SLC9A9: variants seen among roughly 807,000 people sequenced by gnomAD.
SLC9A9 encodes solute carrier family 9 member A9.
A neutral mutation model predicts 77.8 loss-of-function variants in SLC9A9; 62 were observed. The observed-to-expected ratio is 0.80, with a 90% CI of 0.65 to 0.98. The LOEUF (loss-of-function observed/expected upper bound fraction) is 0.98. SLC9A9 is among the 50% of genes least tolerant of loss of function. SLC9A9 has a pLI of 0.00. For missense variants in SLC9A9, 775 were observed against 774.9 expected (o/e 1.00, Z 0.00); for synonymous variants, 320 against 283.5 (o/e 1.13, Z -1.29).
intron 6 of SLC9A9, among the ~76,000 whole-genome samples, chr3:143,649,074 C>T (rs2038755498): frequency 6.6e-6 from 1 of 152,172 alleles, no homozygotes; most frequent in Admixed American, 6.5e-5. Flanking sequence ...GTAGTAATTG[C>T]ACAGTTAATT....
intron 9 of SLC9A9, among the ~76,000 whole-genome samples, chr3:143,516,003 G>T (rs2036197186): frequency 6.6e-6 from 1 of 152,078 alleles, no homozygotes; most frequent in Non-Finnish European, 1.5e-5. Context: ...AAAAATTCTG[G>T]GCCTTGTGTT....
chr3:143,326,112 A>C (rs2031595665), intron 14 of SLC9A9, among the ~76,000 whole-genome samples: 1 of 152,186 alleles, frequency 6.6e-6, no homozygotes. Context: ...AAGTATAAAA[A>C]TCTTGGATGT....
At chr3:143,563,406 G>A (rs2037119018) in intron 8 of SLC9A9, among the ~76,000 whole-genome samples, 2 of 152,120 alleles carry the variant, frequency 1.3e-5, no homozygotes, top group South Asian at 4.1e-4. Context: ...ACTTCAATAT[G>A]TGGTTGTAAA....
chr3:143,393,205 T>G (rs1037824433), intron 12 of SLC9A9, among the ~76,000 whole-genome samples: 2 of 152,136 alleles, frequency 1.3e-5, no homozygotes, highest in Non-Finnish European at 2.9e-5. Context: ...AGTAAAGCAC[T>G]CCTCAGCAAA....
intron 6 of SLC9A9, among the ~76,000 whole-genome samples, chr3:143,626,354 T>A (rs948246438): frequency 6.6e-6 from 1 of 152,214 alleles, no homozygotes; most frequent in Non-Finnish European, 1.5e-5. Flanking sequence ...TCACAAAGAC[T>A]TGGAACCAAC....
chr3:143,433,602 G>T (rs2034569243), intron 12 of SLC9A9, among the ~76,000 whole-genome samples: 2 of 152,134 alleles, frequency 1.3e-5, no homozygotes, highest in South Asian at 2.1e-4. Flanking sequence ...ATAAAAGGTG[G>T]GGGTGTTCTG....
intron 14 of SLC9A9, among the ~76,000 whole-genome samples, chr3:143,301,589 G>A (rs767126273): frequency 1.3e-4 from 20 of 152,166 alleles, no homozygotes; most frequent in Non-Finnish European, 2.2e-4. Context: ...TGAGACAGAC[G>A]CATTCTCCAG....
At chr3:143,309,409 C>T (rs1214116449) in intron 14 of SLC9A9, among the ~76,000 whole-genome samples, 1 of 93,716 alleles carries the variant, frequency 1.1e-5, no homozygotes, top group East Asian at 2.7e-4. Flanking sequence ...TAAAAATAAA[C>T]AGAAAAGCAA....
At chr3:143,819,819 C>T (rs72997304) in intron 2 of SLC9A9, among the ~76,000 whole-genome samples, 1,899 of 152,306 alleles carry the variant, frequency 0.012, 38 homozygotes, top group African/African-American at 0.044. Flanking sequence ...CACAGTGTCT[C>T]ATTTATTTCT....
At chr3:143,369,652 A>AT (rs1472002451) in intron 13 of SLC9A9, among the ~76,000 whole-genome samples, 2 of 152,186 alleles carry the variant, frequency 1.3e-5, no homozygotes, top group Non-Finnish European at 2.9e-5. Flanking sequence ...AAATTTTAAA[A>AT]TTAAAAAAAA....
chr3:143,723,572 A>T (rs1934559518), intron 4 of SLC9A9, among the ~76,000 whole-genome samples: 1 of 152,218 alleles, frequency 6.6e-6, no homozygotes, highest in Non-Finnish European at 1.5e-5. Context: ...CCCTATCGAA[A>T]ATGTGTATTT....
At chr3:143,375,391 G>A (rs866428385) in intron 13 of SLC9A9, among the ~76,000 whole-genome samples, 1 of 152,038 alleles carries the variant, frequency 6.6e-6, no homozygotes. Context: ...TTTTTAGGAC[G>A]ACCTCGTAAT....
intron 9 of SLC9A9, among the ~76,000 whole-genome samples, chr3:143,549,922 G>A (rs2036851150): frequency 6.6e-6 from 1 of 152,154 alleles, no homozygotes; most frequent in South Asian, 2.1e-4. Flanking sequence ...AAAATTAAAA[G>A]GATTCTGAAA....
intron 4 of SLC9A9, among the ~76,000 whole-genome samples, chr3:143,705,864 C>T (rs935252615): frequency 6.6e-6 from 1 of 152,152 alleles, no homozygotes; most frequent in Non-Finnish European, 1.5e-5. Flanking sequence ...ATGAAGAATG[C>T]AAAGGTGAAT....
At chr3:143,523,016 G>A (rs992124459) in intron 9 of SLC9A9, among the ~76,000 whole-genome samples, 1 of 152,030 alleles carries the variant, frequency 6.6e-6, no homozygotes, top group African/African-American at 2.4e-5. Context: ...CCAGGTCATT[G>A]CTTATTTTCA....
chr3:143,808,961 G>A (rs2008794682), intron 2 of SLC9A9, among the ~76,000 whole-genome samples: 1 of 152,000 alleles, frequency 6.6e-6, no homozygotes, highest in African/African-American at 2.4e-5. Context: ...ACTCCTAAAG[G>A]TTACACAACT....
At position 143,763,110 on chromosome 3, in the gene SLC9A9, C is replaced by A. The variant is rs375755016; in HGVS notation, c.533+31891G>T. The stretch of plus-strand genomic sequence containing the variant: ...TATGTCTGTAGAAGAGCCAGCTAGC[C>A]CCACTGCTTAGGCTTTTGGTGGCAG... On this transcript the variant is annotated intron_variant, in intron 4 of 15. Coordinates refer to ENST00000316549, the MANE Select transcript of SLC9A9 (RefSeq NM_173653.4). 1.4e-4 allele frequency among the ~76,000 whole-genome samples: 22 copies of A among 152,202 alleles called. 1 individual carries two copies. The South Asian group carries it at 2.3e-3, about 16-fold the overall frequency.
intron 13 of SLC9A9, chr3:143,381,388 T>C (rs1576460156): frequency 6.5e-6 from 1 of 153,338 alleles, no homozygotes; most frequent in East Asian, 1.9e-4. Context: ...ATGTAAGATG[T>C]GACTTGCTCT....
At chr3:143,512,430 A>G (rs920910410) in intron 9 of SLC9A9, among the ~76,000 whole-genome samples, 10 of 152,258 alleles carry the variant, frequency 6.6e-5, no homozygotes, top group Non-Finnish European at 1.3e-4. Context: ...GGCATACTAC[A>G]GGAGATATTG....
Sources: allele counts gnomAD v4.1 joint callset (sites outside exome capture counted in the v4.1 genomes callset), GRCh38; gene constraint gnomAD v4.1.1; transcripts MANE v1.5; gene names NCBI Gene and HGNC (gene_info 2026-07-23, HGNC 2026-07-21).